Variants in KIAA0319L observed in about 807,000 individuals in gnomAD.
KIAA0319L encodes KIAA0319 like, also known as dyslexia-associated protein KIAA0319-like protein.
A neutral mutation model predicts 120.1 loss-of-function variants in KIAA0319L; 55 were observed. The observed-to-expected ratio is 0.46, with a 90% CI of 0.37 to 0.57. The LOEUF (loss-of-function observed/expected upper bound fraction) is 0.57. Ranked by LOEUF, KIAA0319L falls within the 20% of genes least tolerant of loss-of-function variation. The probability of loss-of-function intolerance (pLI) is 0.00; values close to 1 mark genes in which losing one functional copy is unlikely to be tolerated. For synonymous variants in KIAA0319L, 398 were observed against 471.9 expected (o/e 0.84, Z 2.03); for missense variants, 1,049 against 1,255.3 (o/e 0.84, Z 2.48).
At chr1:35,465,407 G>A (rs1342340615) in intron 7 of KIAA0319L, among the ~76,000 whole-genome samples, 1 of 152,152 alleles carries the variant, frequency 6.6e-6, no homozygotes, top group Non-Finnish European at 1.5e-5. Context: ...CTTGCATGGG[G>A]CCTGTAACCC....
chr1:35,475,501 G>T (rs1643874373), intron 4 of KIAA0319L, among the ~76,000 whole-genome samples: 1 of 150,882 alleles, frequency 6.6e-6, no homozygotes. Flanking sequence ...TTTGAGTCAG[G>T]GCCTCACTCT....
At chr1:35,440,742 A>G in intron 20 of KIAA0319L, 1 of 390,938 alleles carries the variant, frequency 2.6e-6, no homozygotes, top group East Asian at 4.7e-5. Flanking sequence ...CCTGACCCTG[A>G]CTACCTGGGG....
At chr1:35,518,939 G>T (rs1488968848) in intron 2 of KIAA0319L, among the ~76,000 whole-genome samples, 1 of 149,556 alleles carries the variant, frequency 6.7e-6, no homozygotes, top group Non-Finnish European at 1.5e-5. Flanking sequence ...AGGAGGCGGA[G>T]GTTGCAGTGA....
rs1640685584 is a variant in KIAA0319L at position 35,435,175 on chromosome 1, G to C, written c.2963-94C>G. 8 of 1,148,786 alleles carry C rather than the reference G, an allele frequency of 7.0e-6. No homozygotes were observed. In the South Asian group the frequency reaches 1.2e-4, roughly 17 times the overall value. 71.2% of individuals were successfully genotyped at this position (1,148,786 alleles called of 1,614,324 possible). A position where few individuals can be genotyped will look rare whatever the true frequency, so the allele number is the denominator to read the frequency against. On this transcript the variant is annotated intron_variant, in intron 20 of 20. Transcript: ENST00000325722. ...CCCCAGCCTGAGGAGCCAAGGAACAGGGCAAGTCACAGGCTCCTCTCCAGG... is the reference window on the plus strand; with the variant it reads ...CCCCAGCCTGAGGAGCCAAGGAACACGGCAAGTCACAGGCTCCTCTCCAGG...
In KIAA0319L at chr1:35,496,799, T is replaced by A. The variant is rs555005737; in HGVS notation, c.666+9813A>T. Among the ~76,000 whole-genome samples, 560 of 151,964 alleles carry A rather than the reference T, an allele frequency of 3.7e-3. 2 individuals carry two copies. The highest frequency in any genetic ancestry group is 0.013 in the African/African-American group (525 of 41,464). ...TCTCTACTTTAAAAAATACAAAAATTAGCTGGGCGTGGTGGCACATGCCTG... is the reference window on the plus strand; with the variant it reads ...TCTCTACTTTAAAAAATACAAAAATAAGCTGGGCGTGGTGGCACATGCCTG... On this transcript the variant is annotated intron_variant, in intron 3 of 20. Coordinates refer to ENST00000325722, the MANE Select transcript of KIAA0319L (RefSeq NM_024874.5).
chr1:35,454,319 G>C (rs1421930157), intron 11 of KIAA0319L, 43 bp downstream of exon 11: 1 of 1,608,360 alleles, frequency 6.2e-7, no homozygotes, highest in South Asian at 1.1e-5. Flanking sequence ...AGGTTAAATG[G>C]ACCCACCAAT....
intron 3 of KIAA0319L, among the ~76,000 whole-genome samples, chr1:35,481,054 T>C (rs1390809868): frequency 6.6e-6 from 1 of 152,208 alleles, no homozygotes; most frequent in Non-Finnish European, 1.5e-5. Context: ...AGCATATACA[T>C]ACTATTTTTG....
rs549729083 is a variant in KIAA0319L, at chr1:35,502,277, A to G, written c.666+4335T>C. ...TGACACAGTGAGACTCTGTCTCAAGAAAAAAAAAAAAAGAAAAAAAAAACA... is the reference window on the plus strand; with the variant it reads ...TGACACAGTGAGACTCTGTCTCAAGGAAAAAAAAAAAAGAAAAAAAAAACA... On this transcript the variant is annotated intron_variant, in intron 3 of 20. Coordinates refer to ENST00000325722, the MANE Select transcript of KIAA0319L (RefSeq NM_024874.5). 5.6e-5 allele frequency among the ~76,000 whole-genome samples: 8 copies of G among 143,692 alleles called. No individual in the cohort carries two copies. In the East Asian group the frequency reaches 1.2e-3, roughly 21 times the overall value. 94.3% of individuals were successfully genotyped at this position (143,692 alleles called of 152,430 possible).
Position 35,462,690 on chromosome 1 carries a change from T to G in KIAA0319L, c.1225A>C (p.Ile409Leu). 6.2e-7 allele frequency: 1 copy of G among 1,613,932 alleles called. No individual in the cohort carries two copies. Among genetic ancestry groups the G allele is most frequent in the Non-Finnish European group, 8.5e-7 (1 of 1,179,912 alleles). ...TGGAACTGAGGTGACACAATAGCAA[T>G]GGGGGGCCGATTCTTACGGGGCTCT... is the stretch of plus-strand genomic sequence containing the variant. ...KPEPRKNRPP[I>L]AIVSPQFQEI... Residue 409 changes from isoleucine to leucine, a missense_variant, in exon 8 of 21, where the codon ATT (isoleucine) becomes CTT (leucine). By Grantham distance (5) the Ile-to-Leu change is conservative. Transcript: ENST00000325722.
At chr1:35,554,622 T>C in intron 1 of KIAA0319L, 103 bp from the exon 2 acceptor site, 1 of 836,604 alleles carries the variant, frequency 1.2e-6, no homozygotes, top group Non-Finnish European at 1.8e-6. Flanking sequence ...GAAAGAAAAA[T>C]TTCAAGTTTG....
At chr1:35,471,014 G>C in intron 5 of KIAA0319L, 54 bp from the exon 6 acceptor site, 1 of 992,688 alleles carries the variant, frequency 1.0e-6, no homozygotes, top group Non-Finnish European at 1.6e-6. Flanking sequence ...ACACAAAGAG[G>C]ACAGCCACAT....
Position 35,451,786 on chromosome 1 carries a change from A to T in KIAA0319L, c.1914-10T>A. 1 of 1,613,936 alleles carries T rather than the reference A, an allele frequency of 6.2e-7. No individual in the cohort carries two copies. Among genetic ancestry groups the T allele is most frequent in the Non-Finnish European group, 8.5e-7 (1 of 1,179,890 alleles). ...CACCCCATCAGGTCCCCTGCAAAAA[A>T]AGAAACTAGAGGGTAGAGTTGTACC... On this transcript the variant is annotated splice_polypyrimidine_tract_variant and intron_variant, in intron 12 of 20. Coordinates refer to ENST00000325722, the MANE Select transcript of KIAA0319L (RefSeq NM_024874.5).
intron 15 of KIAA0319L, among the ~76,000 whole-genome samples, chr1:35,449,663 G>C (rs1329855896): frequency 6.6e-6 from 1 of 152,160 alleles, no homozygotes; most frequent in Non-Finnish European, 1.5e-5. Flanking sequence ...GATGAATAGG[G>C]GGAGGTCTGT....
At chr1:35,442,038 T>G (rs1283049226) in intron 19 of KIAA0319L, among the ~76,000 whole-genome samples, 1 of 152,172 alleles carries the variant, frequency 6.6e-6, no homozygotes, top group Non-Finnish European at 1.5e-5. Flanking sequence ...CTGCAGTGGC[T>G]GCCACTCACT....
At chr1:35,518,920 C>A (rs1334294710) in intron 2 of KIAA0319L, among the ~76,000 whole-genome samples, 2 of 146,924 alleles carry the variant, frequency 1.4e-5, no homozygotes, top group African/African-American at 2.5e-5. Context: ...AGGAGAATTG[C>A]TTGAACCCAG....
intron 6 of KIAA0319L, among the ~76,000 whole-genome samples, chr1:35,468,584 C>T (rs970316731): frequency 1.1e-4 from 16 of 152,202 alleles, no homozygotes; most frequent in African/African-American, 3.9e-4. Flanking sequence ...CTCCTTAAAA[C>T]TTGCTTCTCC....
intron 3 of KIAA0319L, among the ~76,000 whole-genome samples, chr1:35,485,988 CA>C (rs1366184603): frequency 6.6e-6 from 1 of 152,162 alleles, no homozygotes; most frequent in Non-Finnish European, 1.5e-5. Flanking sequence ...GGTAAAACTA[CA>C]ATTCTTGTCA....
At chr1:35,452,779 G>A (rs1570647976) in intron 12 of KIAA0319L, among the ~76,000 whole-genome samples, 1 of 152,084 alleles carries the variant, frequency 6.6e-6, no homozygotes, top group South Asian at 2.1e-4. Context: ...CAAGTCATTT[G>A]TATAGTCAAA....
At chr1:35,509,049 G>A (rs2148408013) in intron 2 of KIAA0319L, among the ~76,000 whole-genome samples, 1 of 152,270 alleles carries the variant, frequency 6.6e-6, no homozygotes, top group East Asian at 1.9e-4. Context: ...ATCCCTGAAA[G>A]GAAACAAACC....
Sources: gnomAD v4.1 joint callset for allele counts (sites outside exome capture counted in the v4.1 genomes callset) on GRCh38, gnomAD v4.1.1 for gene constraint, MANE v1.5 for transcripts, NCBI Gene and HGNC (gene_info 2026-07-23, HGNC 2026-07-21) for gene names.